CIMIP2A: variants seen among roughly 807,000 people sequenced by gnomAD.
CIMIP2A encodes the protein ciliary microtubule inner protein 2A, also known as family with sequence similarity 166 member A.
At chr9:137,252,611 G>A in the CIMIP2A span, 1 of 1,518,616 alleles carries the variant, frequency 6.6e-7, no homozygotes, top group African/African-American at 1.4e-5. Context: ...GGCTGGCTGA[G>A]GGTCCGTGGG....
chr9:137,253,345 G>T, the CIMIP2A span: 1 of 1,545,258 alleles, frequency 6.5e-7, no homozygotes. Flanking sequence ...GCCCCAGCCT[G>T]GCCTTCTGAC....
the CIMIP2A span, chr9:137,244,848 C>G: frequency 6.4e-7 from 1 of 1,566,282 alleles, no homozygotes; most frequent in Non-Finnish European, 8.6e-7. Flanking sequence ...CTTTCGTTCC[C>G]TGAACGTTGG....
At chr9:137,253,734 G>C in the CIMIP2A span, among the ~76,000 whole-genome samples, 1 of 152,234 alleles carries the variant, frequency 6.6e-6, no homozygotes. Context: ...CTGTCCACCT[G>C]AGGGTCAGCT....
the CIMIP2A span, among the ~76,000 whole-genome samples, chr9:137,253,794 C>T: frequency 6.6e-6 from 1 of 152,216 alleles, no homozygotes; most frequent in African/African-American, 2.4e-5. Context: ...CCCTGAGCCG[C>T]CACCTCCAGG....
chr9:137,244,273 G>A, the CIMIP2A span: 1 of 1,613,742 alleles, frequency 6.2e-7, no homozygotes, highest in Non-Finnish European at 8.5e-7. Context: ...TCACAGTGGG[G>A]GTTTCTAAAC....
At chr9:137,250,104 C>T in the CIMIP2A span, 14 of 152,290 alleles carry the variant, frequency 9.2e-5, no homozygotes, top group African/African-American at 2.9e-4. Flanking sequence ...GGGGAACAAC[C>T]CCCCTCCCTC....
the CIMIP2A span, chr9:137,253,369 C>G: frequency 1.3e-6 from 2 of 1,534,354 alleles, no homozygotes; most frequent in Non-Finnish European, 1.8e-6. Flanking sequence ...CTGGGCACCC[C>G]GATGCACCCT....
the CIMIP2A span, chr9:137,244,285 G>T: frequency 1.3e-6 from 2 of 1,596,514 alleles, no homozygotes; most frequent in East Asian, 4.5e-5. Context: ...TTTCTAAACA[G>T]GAACTGGGGA....
the CIMIP2A span, chr9:137,252,821 C>T: frequency 0.11 from 176,014 of 1,567,716 alleles, 11,288 homozygotes; most frequent in East Asian, 0.29. Flanking sequence ...CCAGTCCCTG[C>T]TTCAGGCCTC....
the CIMIP2A span, among the ~76,000 whole-genome samples, chr9:137,249,863 T>C: frequency 2.6e-5 from 4 of 152,252 alleles, no homozygotes; most frequent in Admixed American, 1.3e-4. Flanking sequence ...CCTAGTTCTA[T>C]GAGTGGCTCC....
At chr9:137,251,610 G>A in the CIMIP2A span, 2 of 1,213,362 alleles carry the variant, frequency 1.6e-6, no homozygotes, top group South Asian at 1.5e-5. Flanking sequence ...GGGACAGTGT[G>A]GGGACAGGCT....
At chr9:137,244,035 C>T in the CIMIP2A span, 2 of 1,002,724 alleles carry the variant, frequency 2.0e-6, no homozygotes, top group South Asian at 1.5e-5. Flanking sequence ...GGCAGACAAT[C>T]CTACCCCAAC....
the CIMIP2A span, among the ~76,000 whole-genome samples, chr9:137,249,386 A>G: frequency 6.6e-6 from 1 of 152,154 alleles, no homozygotes; most frequent in East Asian, 1.9e-4. Flanking sequence ...TTCCACTCCT[A>G]AGAAGCTGTC....
chr9:137,244,470 CAG>C, the CIMIP2A span: 1 of 1,498,738 alleles, frequency 6.7e-7, no homozygotes, highest in Non-Finnish European at 8.9e-7. Flanking sequence ...AAGCAAGACT[CAG>C]GAGAGAGGGG....
At chr9:137,246,680 G>A in the CIMIP2A span, among the ~76,000 whole-genome samples, 2 of 152,014 alleles carry the variant, frequency 1.3e-5, no homozygotes, top group Admixed American at 6.5e-5. Flanking sequence ...GGAGAATGGC[G>A]TGAACCCAGG....
At chr9:137,252,597 G>A in the CIMIP2A span, 1 of 1,512,316 alleles carries the variant, frequency 6.6e-7, no homozygotes, top group Non-Finnish European at 8.9e-7. Context: ...TGGGGCCAAA[G>A]GGGGGCTGGC....
the CIMIP2A span, chr9:137,245,033 C>G: frequency 6.2e-7 from 1 of 1,609,970 alleles, no homozygotes; most frequent in Non-Finnish European, 8.5e-7. Flanking sequence ...TCTCACACTG[C>G]AAGAACCTTG....
At chr9:137,244,351 T>G in the CIMIP2A span, 1 of 1,607,606 alleles carries the variant, frequency 6.2e-7, no homozygotes, top group Non-Finnish European at 8.5e-7. Context: ...AGTCAAGTTG[T>G]CCCAGTGGGG....
the CIMIP2A span, among the ~76,000 whole-genome samples, chr9:137,254,586 T>C: frequency 6.6e-6 from 1 of 152,196 alleles, no homozygotes; most frequent in African/African-American, 2.4e-5. Context: ...GGGAAAGAAA[T>C]TTCTAGAGAA....
Sources: gnomAD v4.1 joint callset for allele counts (sites outside exome capture counted in the v4.1 genomes callset) on GRCh38, gnomAD v4.1.1 for gene constraint, MANE v1.5 for transcripts, NCBI Gene and HGNC (gene_info 2026-07-23, HGNC 2026-07-21) for gene names.